Variants in SDC2 observed in about 807,000 individuals in gnomAD.
SDC2 encodes the protein syndecan-2.
Under a neutral mutation model 22.2 loss-of-function variants are expected in SDC2, and 13 were observed. The observed-to-expected ratio is 0.59, with a 90% CI of 0.38 to 0.93. The LOEUF is 0.93. SDC2 is among the 40% of genes least tolerant of loss of function. The pLI is 0.00. For synonymous variants in SDC2, 94 were observed against 92.8 expected (o/e 1.01, Z -0.07); for missense variants, 235 against 246.8 (o/e 0.95, Z 0.32).
intron 1 of SDC2, among the ~76,000 whole-genome samples, chr8:96,571,321 A>G (rs1814390771): frequency 6.6e-6 from 1 of 152,300 alleles, no homozygotes; most frequent in South Asian, 2.1e-4. Flanking sequence ...AGCGGCTGCA[A>G]AGGCCCTGGA....
At chr8:96,534,619 T>G (rs1213994935) in intron 1 of SDC2, among the ~76,000 whole-genome samples, 1 of 152,022 alleles carries the variant, frequency 6.6e-6, no homozygotes, top group African/African-American at 2.4e-5. Context: ...TTATTTTTTG[T>G]AGAGACGAGG....
intron 1 of SDC2, among the ~76,000 whole-genome samples, chr8:96,577,271 A>G (rs1814520921): frequency 6.6e-6 from 1 of 152,226 alleles, no homozygotes; most frequent in South Asian, 2.1e-4. Flanking sequence ...AGCTAGGTAC[A>G]TACATCATTA....
At chr8:96,557,358 A>G (rs1352411888) in intron 1 of SDC2, among the ~76,000 whole-genome samples, 2 of 132,482 alleles carry the variant, frequency 1.5e-5, no homozygotes, top group Admixed American at 7.8e-5. Flanking sequence ...CACAATAGCA[A>G]AGACTTGGAA....
At chr8:96,520,733 A>C (rs1439424461) in intron 1 of SDC2, among the ~76,000 whole-genome samples, 1 of 152,194 alleles carries the variant, frequency 6.6e-6, no homozygotes, top group African/African-American at 2.4e-5. Flanking sequence ...GAGAAAGAGG[A>C]GGTCTGATGC....
At chr8:96,570,435 C>CA (rs766922527) in intron 1 of SDC2, among the ~76,000 whole-genome samples, 4 of 151,802 alleles carry the variant, frequency 2.6e-5, no homozygotes, top group Non-Finnish European at 4.4e-5. Flanking sequence ...CAGGCAAAAA[C>CA]AAAAAACAAA....
chr8:96,545,848 C>T (rs986253108), intron 1 of SDC2, among the ~76,000 whole-genome samples: 1 of 152,166 alleles, frequency 6.6e-6, no homozygotes, highest in Admixed American at 6.6e-5. Context: ...GCTGACAAGG[C>T]AGCAGGGACT....
chr8:96,510,582 T>C (rs1489757436), intron 1 of SDC2, among the ~76,000 whole-genome samples: 1 of 152,206 alleles, frequency 6.6e-6, no homozygotes, highest in Non-Finnish European at 1.5e-5. Flanking sequence ...ATTCTGGATT[T>C]CTCAAAGCTT....
At chr8:96,553,569 G>A (rs531933658) in intron 1 of SDC2, among the ~76,000 whole-genome samples, 1 of 151,646 alleles carries the variant, frequency 6.6e-6, no homozygotes, top group African/African-American at 2.4e-5. Context: ...ACCAACACTA[G>A]TTTGAGAGCC....
chr8:96,520,056 C>A (rs1813472058), intron 1 of SDC2, among the ~76,000 whole-genome samples: 1 of 152,260 alleles, frequency 6.6e-6, no homozygotes, highest in Admixed American at 6.5e-5. Flanking sequence ...CATAACATGC[C>A]TTCTTGGCCT....
chr8:96,501,307 T>C (rs913285510), intron 1 of SDC2, among the ~76,000 whole-genome samples: 30 of 130,962 alleles, frequency 2.3e-4, no homozygotes, highest in Non-Finnish European at 3.4e-4. Context: ...TTTTTTTTTT[T>C]TTTTTTTTTT....
At chr8:96,547,890 T>C (rs1397785463) in intron 1 of SDC2, among the ~76,000 whole-genome samples, 3 of 152,046 alleles carry the variant, frequency 2.0e-5, no homozygotes, top group African/African-American at 7.2e-5. Context: ...GCCTCCCAAG[T>C]AGCTGGAACT....
At chr8:96,598,550 G>A (rs886892791) in intron 2 of SDC2, among the ~76,000 whole-genome samples, 11 of 152,092 alleles carry the variant, frequency 7.2e-5, no homozygotes, top group South Asian at 2.1e-4. Context: ...CTCGGGAGGC[G>A]GAGGTTGCAG....
intron 1 of SDC2, among the ~76,000 whole-genome samples, chr8:96,583,959 T>C (rs1171294145): frequency 6.6e-6 from 1 of 152,200 alleles, no homozygotes; most frequent in Non-Finnish European, 1.5e-5. Context: ...GTAAACACCC[T>C]AACTTTTATT....
rs143913726 is a variant in SDC2, at chr8:96,541,216, G to A, written c.60+46885G>A. 5.5e-3 allele frequency among the ~76,000 whole-genome samples: 830 copies of A among 152,050 alleles called. 7 individuals are homozygous for A. Among genetic ancestry groups the A allele is most frequent in the African/African-American group, 0.018 (747 of 41,446 alleles). ...GAGGCTGAGGCAGGCAGATCACGAG[G>A]TCAAGAGATTGAGACCATCCTGGCC... On this transcript the variant is annotated intron_variant, in intron 1 of 4. Coordinates refer to ENST00000302190, the MANE Select transcript of SDC2 (RefSeq NM_002998.4).
intron 1 of SDC2, among the ~76,000 whole-genome samples, chr8:96,569,641 T>C (rs1459262599): frequency 6.6e-6 from 1 of 152,156 alleles, no homozygotes; most frequent in Non-Finnish European, 1.5e-5. Flanking sequence ...ATTTATTGAG[T>C]GCTTACTATG....
At chr8:96,588,414 T>C (rs899035801) in intron 1 of SDC2, among the ~76,000 whole-genome samples, 5 of 152,338 alleles carry the variant, frequency 3.3e-5, no homozygotes, top group South Asian at 2.1e-4. Flanking sequence ...TCCTTTACAA[T>C]GTGTGTTGCT....
chr8:96,602,987 T>G (rs1326515839), intron 3 of SDC2, among the ~76,000 whole-genome samples: 1 of 152,184 alleles, frequency 6.6e-6, no homozygotes, highest in Admixed American at 6.5e-5. Flanking sequence ...ATCAGTACTA[T>G]GTAATCCTTG....
intron 1 of SDC2, among the ~76,000 whole-genome samples, chr8:96,534,816 T>A (rs1279323394): frequency 6.6e-6 from 1 of 152,172 alleles, no homozygotes; most frequent in African/African-American, 2.4e-5. Flanking sequence ...AGCAGCATTC[T>A]AAGTTATTTC....
chr8:96,535,562 C>T (rs1813741357), intron 1 of SDC2, among the ~76,000 whole-genome samples: 1 of 152,144 alleles, frequency 6.6e-6, no homozygotes, highest in Non-Finnish European at 1.5e-5. Flanking sequence ...AGAGAAAATG[C>T]CGACAGGTTA....
Sources: allele counts gnomAD v4.1 joint callset (sites outside exome capture counted in the v4.1 genomes callset), GRCh38; gene constraint gnomAD v4.1.1; transcripts MANE v1.5; gene names NCBI Gene and HGNC (gene_info 2026-07-23, HGNC 2026-07-21).